NIPA1: variants seen among roughly 807,000 people sequenced by gnomAD.
NIPA1 encodes magnesium transporter NIPA1.
Under a neutral mutation model 23.9 loss-of-function variants are expected in NIPA1, and 13 were observed. That is an observed-to-expected ratio of 0.54 (90% confidence interval 0.35 to 0.87). The LOEUF is 0.87. Among genes scored for constraint, NIPA1 ranks in the 40% least tolerant of loss-of-function variants. NIPA1 has a pLI of 0.01. For missense variants in NIPA1, 362 were observed against 429.7 expected (o/e 0.84, Z 1.39); for synonymous variants, 234 against 202.9 (o/e 1.15, Z -1.30).
chr15:22,793,091 T>C (rs943419229), intron 1 of NIPA1, among the ~76,000 whole-genome samples: 16 of 151,660 alleles, frequency 1.1e-4, no homozygotes, highest in African/African-American at 3.9e-4. Context: ...GGCTCATGCC[T>C]ATAATCACAG....
chr15:22,804,763 A>G (rs1045588914), intron 1 of NIPA1, among the ~76,000 whole-genome samples: 33 of 152,078 alleles, frequency 2.2e-4, no homozygotes, highest in African/African-American at 7.7e-4. Context: ...GTATGGACCG[A>G]TTTCTGAACT....
chr15:22,791,765 C>T (rs182546083), intron 1 of NIPA1, among the ~76,000 whole-genome samples: 14 of 152,180 alleles, frequency 9.2e-5, no homozygotes, highest in Non-Finnish European at 1.9e-4. Context: ...CGCACCTGGC[C>T]CTCTTTCACT....
At chr15:22,822,347 G>A (rs1310261659) in intron 4 of NIPA1, among the ~76,000 whole-genome samples, 1 of 152,132 alleles carries the variant, frequency 6.6e-6, no homozygotes, top group Admixed American at 6.5e-5. Context: ...GATGATTTTT[G>A]ATGGGGGTGG....
chr15:22,807,803 T>TGTGTGTGTGTGTGTGTGTGA (rs1895240581), intron 1 of NIPA1, among the ~76,000 whole-genome samples: 1 of 150,530 alleles, frequency 6.6e-6, no homozygotes, highest in Non-Finnish European at 1.5e-5. Context: ...TGTGTGTGTG[T>TGTGTGTGTGTGTGTGTGTGA]GATGGAGTCT....
At chr15:22,823,707 T>A (rs781163516) in intron 4 of NIPA1, 21 bp from the exon 5 acceptor site, 3 of 1,591,946 alleles carry the variant, frequency 1.9e-6, no homozygotes, top group Non-Finnish European at 2.6e-6. Context: ...TCCGGGTGAC[T>A]GTGTGCTGTC....
chr15:22,802,577 G>A (rs11263686), intron 1 of NIPA1, among the ~76,000 whole-genome samples: 84,789 of 151,472 alleles, frequency 0.56, 24,758 homozygotes, highest in East Asian at 0.77. Flanking sequence ...GGGTATAATT[G>A]CATAGAATAA....
chr15:22,812,787 T>C (rs11636690), intron 3 of NIPA1, among the ~76,000 whole-genome samples: 6,975 of 152,296 alleles, frequency 0.046, 273 homozygotes, highest in Non-Finnish European at 0.065. Flanking sequence ...TCATTTTTCC[T>C]GCTTATCAGT....
In NIPA1 at chr15:22,812,147, G is replaced by T. The variant is rs1325801254; in HGVS notation, c.227-16G>T. On this transcript the variant is annotated splice_polypyrimidine_tract_variant and intron_variant, in intron 2 of 4. Coordinates refer to ENST00000337435, the MANE Select transcript of NIPA1 (RefSeq NM_144599.5). ...CTCTGTAATTGCAAGTAGTATCCTT[G>T]TGATTTTCTTGACAGTGGCTGTTGG... 6.3e-7 allele frequency: 1 copy of T among 1,594,464 alleles called. No individual in the cohort carries two copies. The highest frequency in any genetic ancestry group is 1.1e-5 in the South Asian group (1 of 90,432).
At chr15:22,806,482 T>C (rs1020551600) in intron 1 of NIPA1, among the ~76,000 whole-genome samples, 1 of 151,100 alleles carries the variant, frequency 6.6e-6, no homozygotes, top group East Asian at 1.9e-4. Context: ...CACCTAGGAG[T>C]GGGGGAGGAG....
chr15:22,790,713 C>A (rs1894808431), intron 1 of NIPA1, among the ~76,000 whole-genome samples: 5 of 152,130 alleles, frequency 3.3e-5, no homozygotes, highest in Admixed American at 3.3e-4. Flanking sequence ...CATGCTTGGC[C>A]TTGATGAAGC....
chr15:22,804,611 C>A (rs912697493), intron 1 of NIPA1, among the ~76,000 whole-genome samples: 1 of 152,102 alleles, frequency 6.6e-6, no homozygotes. Context: ...CCGTAAGCCA[C>A]GTTGAGTTAC....
At chr15:22,803,503 C>CTTTTTTTT (rs35223839) in intron 1 of NIPA1, among the ~76,000 whole-genome samples, 7 of 69,364 alleles carry the variant, frequency 1.0e-4, no homozygotes, top group African/African-American at 1.8e-4. Flanking sequence ...TTAAAAGTGC[C>CTTTTTTTT]TTTTTTTTTT....
chr15:22,800,705 T>G (rs1183487451), intron 1 of NIPA1, among the ~76,000 whole-genome samples: 3 of 151,966 alleles, frequency 2.0e-5, no homozygotes, highest in East Asian at 1.9e-4. Context: ...GAGGTGGGCA[T>G]ATCACAAGGT....
intron 3 of NIPA1, among the ~76,000 whole-genome samples, chr15:22,817,661 C>G (rs56040011): frequency 6.6e-6 from 1 of 151,332 alleles, no homozygotes; most frequent in African/African-American, 2.4e-5. Flanking sequence ...AAAAATTAGC[C>G]GGGCGTAGTG....
chr15:22,822,781 C>G (rs1022672320), intron 4 of NIPA1, among the ~76,000 whole-genome samples: 1 of 151,120 alleles, frequency 6.6e-6, no homozygotes, highest in African/African-American at 2.4e-5. Context: ...GAGCAGAGAT[C>G]GTGCTATTGC....
intron 1 of NIPA1, among the ~76,000 whole-genome samples, chr15:22,795,993 G>A (rs1894932046): frequency 6.6e-6 from 1 of 151,958 alleles, no homozygotes; most frequent in Admixed American, 6.6e-5. Flanking sequence ...GTACATTGGC[G>A]TGATCTTGGC....
At chr15:22,805,520 C>T (rs1027277916) in intron 1 of NIPA1, among the ~76,000 whole-genome samples, 1 of 152,076 alleles carries the variant, frequency 6.6e-6, no homozygotes, top group Non-Finnish European at 1.5e-5. Context: ...AACCCTGTCT[C>T]TACTAAAAAT....
rs200540082 is a variant in NIPA1, at chr15:22,820,466, C to G, written c.471C>G (p.Thr157=). The G allele has an allele frequency of 5.3e-5, 85 of 1,613,110 alleles. No homozygotes were observed. The highest frequency in any genetic ancestry group is 1.2e-4 in the African/African-American group (9 of 75,014). ...AGGCTGAGCTGGAGGAAAAGCTGACCAATCCAGGTAATTCCTTTCTAGCAG... is the reference window on the plus strand; with the variant it reads ...AGGCTGAGCTGGAGGAAAAGCTGACGAATCCAGGTAATTCCTTTCTAGCAG... ...TTQAELEEKL[T]NPVFVGYLCI... Residue 157 remains threonine, a synonymous_variant, in exon 4 of 5, where the codon ACC becomes ACG. Coordinates refer to ENST00000337435, the MANE Select transcript of NIPA1 (RefSeq NM_144599.5).
intron 1 of NIPA1, among the ~76,000 whole-genome samples, chr15:22,790,437 T>C (rs1445818762): frequency 6.6e-6 from 1 of 151,576 alleles, no homozygotes; most frequent in Non-Finnish European, 1.5e-5. Context: ...TTTTTTTTTT[T>C]TGAGACGGAG....
Sources: allele counts gnomAD v4.1 joint callset (sites outside exome capture counted in the v4.1 genomes callset), GRCh38; gene constraint gnomAD v4.1.1; transcripts MANE v1.5; gene names NCBI Gene and HGNC (gene_info 2026-07-23, HGNC 2026-07-21).